The following RDX variants were observed in gnomAD, a reference collection of about 807,000 sequenced individuals.
RDX encodes deafness, autosomal recessive 24.
Under a neutral mutation model 83.7 loss-of-function variants are expected in RDX, and 32 were observed. The observed-to-expected ratio is 0.38, with a 90% CI of 0.29 to 0.51. The LOEUF (loss-of-function observed/expected upper bound fraction) is 0.51. Among genes scored for constraint, RDX ranks in the 20% least tolerant of loss-of-function variants. RDX has a pLI of 0.87. For missense variants in RDX, 600 were observed against 689.9 expected (o/e 0.87, Z 1.46); for synonymous variants, 229 against 222.7 (o/e 1.03, Z -0.25).
chr11:110,202,184 C>G (rs551482453), intron 14 of RDX, among the ~76,000 whole-genome samples: 1 of 152,004 alleles, frequency 6.6e-6, no homozygotes, highest in South Asian at 2.1e-4. Context: ...CACCTGAGGT[C>G]AGGAGTTTGA....
At chr11:110,187,506 G>C (rs1863010572) in intron 15 of RDX, among the ~76,000 whole-genome samples, 1 of 152,178 alleles carries the variant, frequency 6.6e-6, no homozygotes, top group Non-Finnish European at 1.5e-5. Context: ...TGATCCTCCA[G>C]GCAGATCTCC....
chr11:110,214,467 T>A (rs1274617435), intron 14 of RDX, among the ~76,000 whole-genome samples: 38 of 131,658 alleles, frequency 2.9e-4, no homozygotes, highest in South Asian at 2.5e-3. Flanking sequence ...GAAATACCAT[T>A]TGACCCAGCC....
At chr11:110,236,593 AG>A (rs1004808586) in intron 11 of RDX, 1 of 178,432 alleles carries the variant, frequency 5.6e-6, no homozygotes, top group African/African-American at 2.4e-5. Context: ...TAATCCTAAC[AG>A]GTAGTATCAT....
At chr11:110,239,841 T>TTC (rs1355828056) in intron 10 of RDX, among the ~76,000 whole-genome samples, 1 of 134,610 alleles carries the variant, frequency 7.4e-6, no homozygotes, top group Admixed American at 7.5e-5. Flanking sequence ...ACTCTGTTTT[T>TTC]AAAAAAAAAA....
At chr11:110,296,044 T>G (rs1334029847) in intron 1 of RDX, among the ~76,000 whole-genome samples, 1 of 152,226 alleles carries the variant, frequency 6.6e-6, no homozygotes, top group Non-Finnish European at 1.5e-5. Context: ...ATATCTGGAT[T>G]TTCAAACAAC....
chr11:110,289,551 C>T (rs1861128513), intron 1 of RDX, among the ~76,000 whole-genome samples: 1 of 152,034 alleles, frequency 6.6e-6, no homozygotes, highest in African/African-American at 2.4e-5. Flanking sequence ...AAATTTAATC[C>T]AAGCCAAAGG....
chr11:110,274,745 T>C (rs1860444007), intron 2 of RDX, among the ~76,000 whole-genome samples: 1 of 152,220 alleles, frequency 6.6e-6, no homozygotes, highest in Non-Finnish European at 1.5e-5. Context: ...CTAAGATTCA[T>C]TGATGTTTTT....
At chr11:110,290,964 T>C (rs1388995425) in intron 1 of RDX, among the ~76,000 whole-genome samples, 2 of 152,194 alleles carry the variant, frequency 1.3e-5, no homozygotes, top group African/African-American at 4.8e-5. Flanking sequence ...TCACTACATA[T>C]GACTATCTGT....
chr11:110,201,903 T>TTGTGTGTG lies in RDX; in HGVS notation c.1749-2233_1749-2226dup, dbSNP rs141731309. Among the ~76,000 whole-genome samples, 1,249 of 137,222 alleles carry TTGTGTGTG rather than the reference T, an allele frequency of 9.1e-3. 10 individuals are homozygous for TTGTGTGTG. Among genetic ancestry groups the TTGTGTGTG allele is most frequent in the South Asian group, 0.016 (60 of 3,870 alleles). 90.0% of individuals were successfully genotyped at this position (137,222 alleles called of 152,430 possible). A position where few individuals can be genotyped will look rare whatever the true frequency, so the allele number is the denominator to read the frequency against. ...CACATGCCACCACATCCGGCTAATT[T>TTGTGTGTG]TGTGTGTGTGTGTGTGTGTGTGTGT... On this transcript the variant is annotated intron_variant, in intron 14 of 15. Transcript: ENST00000528498.
intron 14 of RDX, among the ~76,000 whole-genome samples, chr11:110,202,380 C>T (rs1255367661): frequency 2.0e-5 from 3 of 151,522 alleles, no homozygotes; most frequent in African/African-American, 7.3e-5. Context: ...GGCAAGAGAG[C>T]AAGACTTCAT....
At chr11:110,259,709 G>C (rs1859725007) in intron 5 of RDX, among the ~76,000 whole-genome samples, 1 of 152,186 alleles carries the variant, frequency 6.6e-6, no homozygotes, top group African/African-American at 2.4e-5. Context: ...CTCACAGAGA[G>C]GCATGCAATC....
chr11:110,276,245 GT>G (rs879413884), intron 2 of RDX, among the ~76,000 whole-genome samples: 6 of 151,440 alleles, frequency 4.0e-5, no homozygotes, highest in South Asian at 2.1e-4. Context: ...ATAATACAGG[GT>G]TTTTTTTTAA....
intron 7 of RDX, among the ~76,000 whole-genome samples, chr11:110,257,116 G>C (rs996038928): frequency 4.6e-5 from 7 of 150,848 alleles, no homozygotes; most frequent in African/African-American, 1.5e-4. Context: ...TCTCTATATA[G>C]TATTTACCCA....
At chr11:110,223,235 C>T (rs914033683) in intron 14 of RDX, among the ~76,000 whole-genome samples, 2 of 151,992 alleles carry the variant, frequency 1.3e-5, no homozygotes, top group African/African-American at 4.8e-5. Context: ...GCCTGTGGTC[C>T]CAGCTGCTCA....
intron 7 of RDX, 28 bp from the exon 8 acceptor site, chr11:110,255,413 T>C: frequency 8.8e-7 from 1 of 1,140,012 alleles, no homozygotes; most frequent in East Asian, 2.4e-5. Context: ...TCTCCTTAAT[T>C]AAAGGCAGGA....
At chr11:110,223,078 C>T (rs1169021215) in intron 14 of RDX, among the ~76,000 whole-genome samples, 8 of 151,978 alleles carry the variant, frequency 5.3e-5, no homozygotes, top group African/African-American at 1.9e-4. Flanking sequence ...AGGCTGGGCA[C>T]GGTGGCTCAC....
intron 9 of RDX, among the ~76,000 whole-genome samples, chr11:110,252,198 C>T (rs1488390981): frequency 6.6e-6 from 1 of 152,136 alleles, no homozygotes; most frequent in Admixed American, 6.6e-5. Context: ...TAAATGCTTA[C>T]TAATGAAGAG....
At chr11:110,265,103 T>G (rs1415971592) in intron 3 of RDX, among the ~76,000 whole-genome samples, 6 of 85,350 alleles carry the variant, frequency 7.0e-5, no homozygotes, top group East Asian at 3.8e-4. Context: ...AGAAGTTTTT[T>G]TTTTTGTTTT....
intron 14 of RDX, among the ~76,000 whole-genome samples, chr11:110,207,978 T>A (rs1863667840): frequency 7.5e-6 from 1 of 134,076 alleles, no homozygotes; most frequent in Admixed American, 8.3e-5. Context: ...CATAAGGAAG[T>A]TGAATCAGAT....
Sources: allele counts gnomAD v4.1 joint callset (sites outside exome capture counted in the v4.1 genomes callset), GRCh38; gene constraint gnomAD v4.1.1; transcripts MANE v1.5; gene names NCBI Gene and HGNC (gene_info 2026-07-23, HGNC 2026-07-21).